The following CUL1 variants were observed in gnomAD, a reference collection of about 807,000 sequenced individuals.
The protein encoded by CUL1 is cullin 1.
CUL1 carries 24 observed loss-of-function variants against 118.0 expected under a neutral mutation model. The observed-to-expected ratio is 0.20, with a 90% CI of 0.15 to 0.29. The LOEUF (loss-of-function observed/expected upper bound fraction) is 0.29, where lower values mean the gene tolerates loss of function less well. Ranked by LOEUF, CUL1 falls within the 10% of genes least tolerant of loss-of-function variation. The probability of loss-of-function intolerance (pLI) is 1.00; values close to 1 mark genes in which losing one functional copy is unlikely to be tolerated. For missense variants in CUL1, 361 were observed against 933.8 expected (o/e 0.39, Z 7.99); for synonymous variants, 332 against 340.4 (o/e 0.98, Z 0.27).
At position 148,788,623 on chromosome 7, in the gene CUL1, G is replaced by C. The variant is rs1194452175; in HGVS notation, c.1546G>C (p.Asp516His). ...GTTTCAAGACATTGGCGTGAGCAAA[G>C]ATCTGAACGAGCAATTCAAAAAGCA... ...RMFQDIGVSK[D>H]LNEQFKKHLT... Residue 516 changes from aspartate (D) to histidine (H), a missense_variant, in exon 14 of 22, where the codon GAT becomes CAT. Physicochemically the swap from Asp to His is moderately conservative, Grantham distance 81. Around this residue, in one of 7 missense-constraint regions of CUL1, gnomAD observed 84 missense variants for 203.3 expected, o/e 0.41. Coordinates refer to ENST00000325222, the MANE Select transcript of CUL1 (RefSeq NM_003592.3). The C allele has an allele frequency of 6.2e-7, 1 of 1,614,190 alleles. No homozygotes were observed. The highest frequency in any genetic ancestry group is 8.5e-7 in the Non-Finnish European group (1 of 1,180,020).
intron 2 of CUL1, among the ~76,000 whole-genome samples, chr7:148,749,406 A>G (rs905284970): frequency 6.3e-5 from 7 of 111,030 alleles, no homozygotes; most frequent in African/African-American, 2.4e-4. Flanking sequence ...ACAGAGTGAG[A>G]CTCCATCTCA....
rs1799201331 is a variant in CUL1 at position 148,743,213 on chromosome 7, G to T, written c.141-10763G>T. ...TAGCCTATCTTGGTGAATGTGCCAT[G>T]TACTCTTGAAAAGAATGTGGGTTCT... On this transcript the variant is annotated intron_variant, in intron 2 of 21. Transcript: ENST00000325222. Among the ~76,000 whole-genome samples the T allele has an allele frequency of 1.3e-5, 2 of 152,164 alleles. 1 individual carries two copies. The highest frequency in any genetic ancestry group is 4.1e-4 in the South Asian group (2 of 4,838).
At chr7:148,796,520 C>T (rs541187159) in intron 17 of CUL1, among the ~76,000 whole-genome samples, 22 of 152,216 alleles carry the variant, frequency 1.4e-4, no homozygotes, top group South Asian at 2.1e-4. Context: ...AATCATTCTT[C>T]GAATTACTCC....
At chr7:148,765,703 T>C (rs1416386435) in intron 7 of CUL1, among the ~76,000 whole-genome samples, 1 of 152,248 alleles carries the variant, frequency 6.6e-6, no homozygotes, top group Non-Finnish European at 1.5e-5. Flanking sequence ...AATATAATTC[T>C]CTTTACTCAG....
chr7:148,784,286 G>A (rs1800749055), intron 11 of CUL1, among the ~76,000 whole-genome samples: 1 of 152,062 alleles, frequency 6.6e-6, no homozygotes, highest in Non-Finnish European at 1.5e-5. Context: ...TCAATGTATT[G>A]TGGGACTTTG....
intron 14 of CUL1, 54 bp from the exon 15 acceptor site, chr7:148,789,696 A>G: frequency 7.1e-7 from 1 of 1,414,070 alleles, no homozygotes; most frequent in Non-Finnish European, 1.0e-6. Context: ...TTCAGTTTAT[A>G]AACTAATTAA....
At chr7:148,728,068 C>T (rs919825314) in intron 1 of CUL1, among the ~76,000 whole-genome samples, 4 of 151,940 alleles carry the variant, frequency 2.6e-5, no homozygotes, top group African/African-American at 7.3e-5. Flanking sequence ...TAAGAGATGG[C>T]GAGGATGATT....
intron 2 of CUL1, among the ~76,000 whole-genome samples, chr7:148,732,550 G>A (rs990644591): frequency 6.6e-6 from 1 of 151,318 alleles, no homozygotes; most frequent in African/African-American, 2.4e-5. Context: ...AAGTTACCCA[G>A]GCTGGTCTCA....
intron 7 of CUL1, 144 bp downstream of exon 7, chr7:148,760,640 T>C: frequency 1.8e-6 from 1 of 558,386 alleles, no homozygotes. Context: ...TGCAAGTGCT[T>C]CTCCTAATTC....
chr7:148,742,962 A>G (rs1799193632), intron 2 of CUL1, among the ~76,000 whole-genome samples: 1 of 152,212 alleles, frequency 6.6e-6, no homozygotes. Context: ...AAGGATTTTT[A>G]GCCTTATTCT....
chr7:148,783,773 C>T lies in CUL1; in HGVS notation c.1084-10C>T, dbSNP rs1050574067. On this transcript the variant is annotated splice_polypyrimidine_tract_variant and intron_variant, in intron 9 of 21. Coordinates refer to ENST00000325222, the MANE Select transcript of CUL1 (RefSeq NM_003592.3). ...ACCAACTTTTGTTTCTATTTCTGCC[C>T]CCATTTAAGGACCCCAAAATGTATG... The T allele has an allele frequency of 6.2e-7, 1 of 1,613,042 alleles. No homozygotes were observed. The highest frequency in any genetic ancestry group is 1.1e-5 in the South Asian group (1 of 91,034).
chr7:148,753,409 T>C (rs1799556318), intron 2 of CUL1, among the ~76,000 whole-genome samples: 1 of 152,242 alleles, frequency 6.6e-6, no homozygotes, highest in Admixed American at 6.5e-5. Context: ...CTGTCTGTGC[T>C]GTGGTTTATA....
chr7:148,783,086 A>G (rs1742502983), intron 9 of CUL1, among the ~76,000 whole-genome samples: 1 of 150,384 alleles, frequency 6.6e-6, no homozygotes, highest in African/African-American at 2.4e-5. Context: ...GCCTAGCAGC[A>G]GCGCTGTTTT....
intron 2 of CUL1, among the ~76,000 whole-genome samples, chr7:148,741,118 T>C (rs1799125528): frequency 1.3e-5 from 2 of 152,256 alleles, no homozygotes; most frequent in Admixed American, 6.5e-5. Flanking sequence ...GATTCCATTC[T>C]GTGGATATAC....
intron 2 of CUL1, among the ~76,000 whole-genome samples, chr7:148,736,302 A>ATTT: frequency 6.6e-6 from 1 of 152,224 alleles, no homozygotes; most frequent in Non-Finnish European, 1.5e-5. Context: ...ATTTAGAGAT[A>ATTT]TATTTTTTTG....
chr7:148,740,984 T>C (rs1013339264), intron 2 of CUL1, among the ~76,000 whole-genome samples: 3 of 152,256 alleles, frequency 2.0e-5, no homozygotes, highest in African/African-American at 7.2e-5. Flanking sequence ...TATTTTGTTA[T>C]GGCAGCCTAA....
rs549042341 is a variant in CUL1 at position 148,703,450 on chromosome 7, C to T, written c.-162+4421C>T. Among the ~76,000 whole-genome samples the T allele has an allele frequency of 8.6e-5, 13 of 152,038 alleles. No homozygotes were observed. In the South Asian group the frequency reaches 1.9e-3, roughly 22 times the overall value. ...TAAAGGTCTGTGTTAGAAAATACTT[C>T]GGAAAATAGATTGTATGAAATGGGT... On this transcript the variant is annotated intron_variant, in intron 1 of 21. Transcript: ENST00000325222.
chr7:148,783,378 C>T, intron 9 of CUL1: 1 of 985,466 alleles, frequency 1.0e-6, no homozygotes, highest in Non-Finnish European at 1.2e-6. Context: ...GTTGCCTGCC[C>T]AGCCGGGCTG....
At chr7:148,698,600 C>A (rs977168382), upstream of CUL1, 7 of 151,808 alleles carry the variant, frequency 4.6e-5, no homozygotes, top group Admixed American at 4.6e-4. Context: ...CCCGGGGCCG[C>A]CGGCAGCGGC....
Sources: allele counts gnomAD v4.1 joint callset (sites outside exome capture counted in the v4.1 genomes callset), GRCh38; gene constraint gnomAD v4.1.1; regional missense constraint gnomAD v4.1.1; transcripts MANE v1.5; gene names NCBI Gene and HGNC (gene_info 2026-07-23, HGNC 2026-07-21).